CEP70: variants seen among roughly 807,000 people sequenced by gnomAD.
The protein encoded by CEP70 is centrosomal protein of 70 kDa.
CEP70 carries 70 observed loss-of-function variants against 90.9 expected under a neutral mutation model. The ratio of observed to expected loss-of-function variants is 0.77; its 90% CI spans 0.64 to 0.94. The LOEUF is 0.94. Ranked by LOEUF, CEP70 falls within the 40% of genes least tolerant of loss-of-function variation. The probability of loss-of-function intolerance (pLI) is 0.00; values close to 1 mark genes in which losing one functional copy is unlikely to be tolerated. For synonymous variants in CEP70, 220 were observed against 228.3 expected, an observed-to-expected ratio of 0.96 and a Z score of 0.33; for missense variants, 648 against 669.0, an observed-to-expected ratio of 0.97 and a Z score of 0.35.
intron 6 of CEP70, among the ~76,000 whole-genome samples, chr3:138,569,831 G>T (rs1457601112): frequency 6.6e-6 from 1 of 152,308 alleles, no homozygotes; most frequent in Admixed American, 6.5e-5. Context: ...TTGCGCCACT[G>T]CACTCCAACC....
At chr3:138,495,895 C>A (rs143931900) in intron 17 of CEP70, 1 of 985,196 alleles carries the variant, frequency 1.0e-6, no homozygotes, top group Admixed American at 6.2e-5. Flanking sequence ...ATAGCCTCAT[C>A]GAGTGTACAA....
chr3:138,543,715 G>A (rs533682815), intron 6 of CEP70, among the ~76,000 whole-genome samples: 26 of 152,270 alleles, frequency 1.7e-4, no homozygotes, highest in African/African-American at 6.3e-4. Flanking sequence ...CTATCAGGAG[G>A]ATAGCTTGAG....
chr3:138,516,615 G>C (rs2036053585), intron 11 of CEP70, among the ~76,000 whole-genome samples: 1 of 152,086 alleles, frequency 6.6e-6, no homozygotes. Context: ...CAAACTCCTG[G>C]ACTCAAGCAA....
intron 2 of CEP70, among the ~76,000 whole-genome samples, chr3:138,590,604 A>G (rs2042332290): frequency 6.6e-6 from 1 of 151,932 alleles, no homozygotes; most frequent in African/African-American, 2.4e-5. Flanking sequence ...CTCACAGTGC[A>G]GCTTGGCCAA....
chr3:138,588,884 G>A (rs1037746916), intron 2 of CEP70, among the ~76,000 whole-genome samples: 3 of 152,194 alleles, frequency 2.0e-5, no homozygotes, highest in Admixed American at 1.3e-4. Flanking sequence ...CCCATTGGAT[G>A]GAATACCCCT....
At chr3:138,558,310 A>T (rs970643747) in intron 6 of CEP70, among the ~76,000 whole-genome samples, 3 of 152,192 alleles carry the variant, frequency 2.0e-5, no homozygotes, top group Non-Finnish European at 4.4e-5. Context: ...GGTTGCAGTG[A>T]GCTGAGATCA....
intron 6 of CEP70, among the ~76,000 whole-genome samples, chr3:138,564,148 G>A (rs1383533488): frequency 6.6e-6 from 1 of 152,140 alleles, no homozygotes; most frequent in Non-Finnish European, 1.5e-5. Context: ...TCTAAACCAG[G>A]AAGAAGTCAA....
intron 8 of CEP70, among the ~76,000 whole-genome samples, chr3:138,532,196 A>G (rs967792858): frequency 6.6e-6 from 1 of 152,156 alleles, no homozygotes; most frequent in Non-Finnish European, 1.5e-5. Context: ...CACTTTGCGG[A>G]TATACTTGGT....
At chr3:138,522,243 A>G (rs1207142551) in intron 11 of CEP70, among the ~76,000 whole-genome samples, 3 of 151,814 alleles carry the variant, frequency 2.0e-5, no homozygotes, top group Non-Finnish European at 2.9e-5. Context: ...ACCCTGCCAA[A>G]TCCCCCTCTC....
At chr3:138,584,525 T>C (rs751699446) in intron 2 of CEP70, among the ~76,000 whole-genome samples, 4 of 148,274 alleles carry the variant, frequency 2.7e-5, no homozygotes, top group Admixed American at 6.7e-5. Context: ...CTGATTAATA[T>C]TGATGCAAAA....
intron 6 of CEP70, among the ~76,000 whole-genome samples, chr3:138,561,893 A>T (rs1232748302): frequency 6.6e-6 from 1 of 151,744 alleles, no homozygotes; most frequent in Non-Finnish European, 1.5e-5. Context: ...GCATGGTGGC[A>T]GGCACCTGTA....
chr3:138,571,416 C>T, intron 3 of CEP70, 60 bp from the exon 4 acceptor site: 1 of 1,143,182 alleles, frequency 8.7e-7, no homozygotes, highest in Non-Finnish European at 1.3e-6. Context: ...GAAATTCTCT[C>T]ATATATAATT....
chr3:138,581,156 G>A (rs899922147), intron 2 of CEP70, among the ~76,000 whole-genome samples: 1 of 151,820 alleles, frequency 6.6e-6, no homozygotes, highest in Non-Finnish European at 1.5e-5. Flanking sequence ...ATGGTGGCGT[G>A]TGCCAGTAAT....
At chr3:138,591,654 A>G (rs1158940802) in intron 2 of CEP70, among the ~76,000 whole-genome samples, 200 bp downstream of exon 2, 1 of 152,242 alleles carries the variant, frequency 6.6e-6, no homozygotes, top group East Asian at 1.9e-4. Context: ...GTTGGTGATC[A>G]GCTTTCTGTG....
At position 138,520,966 on chromosome 3, in the gene CEP70, G is replaced by A. The variant is rs144802827; in HGVS notation, c.944+4524C>T. On this transcript the variant is annotated intron_variant, in intron 11 of 17. Coordinates refer to ENST00000264982, the MANE Select transcript of CEP70 (RefSeq NM_024491.4). Reference sequence around the variant, plus strand: ...TGGGATTGCAGGTGTGCGCTGCCACGCCTGACTGGTTTTTGTATTTTTTGG... The same window carrying A: ...TGGGATTGCAGGTGTGCGCTGCCACACCTGACTGGTTTTTGTATTTTTTGG... 1.4e-4 allele frequency among the ~76,000 whole-genome samples: 21 copies of A among 152,248 alleles called. No homozygotes were observed. The East Asian group carries it at 3.7e-3, about 27-fold the overall frequency.
At chr3:138,537,403 C>G in intron 6 of CEP70, 56 bp from the exon 7 acceptor site, 1 of 1,244,980 alleles carries the variant, frequency 8.0e-7, no homozygotes, top group African/African-American at 1.5e-5. Flanking sequence ...GACATGCTAT[C>G]CTAACAGTAT....
chr3:138,564,074 A>C (rs1305638489), intron 6 of CEP70, among the ~76,000 whole-genome samples: 2 of 152,244 alleles, frequency 1.3e-5, no homozygotes, highest in African/African-American at 4.8e-5. Flanking sequence ...AAACATGTCT[A>C]TGCAAATAAA....
chr3:138,538,536 T>C (rs747123149), intron 6 of CEP70, among the ~76,000 whole-genome samples: 1 of 152,052 alleles, frequency 6.6e-6, no homozygotes, highest in Admixed American at 6.6e-5. Flanking sequence ...TGTAAACATA[T>C]CCAAGAAAAA....
At chr3:138,554,668 C>T (rs1035372002) in intron 6 of CEP70, among the ~76,000 whole-genome samples, 17 of 152,296 alleles carry the variant, frequency 1.1e-4, no homozygotes, top group Admixed American at 9.8e-4. Flanking sequence ...CTGCTATACA[C>T]CAACAGTGAC....
Sources: allele counts gnomAD v4.1 joint callset (sites outside exome capture counted in the v4.1 genomes callset), GRCh38; gene constraint gnomAD v4.1.1; transcripts MANE v1.5; gene names NCBI Gene and HGNC (gene_info 2026-07-23, HGNC 2026-07-21).